DTNBP1: variants seen among roughly 807,000 people sequenced by gnomAD.
DTNBP1 encodes the protein dysbindin.
Under a neutral mutation model 42.8 loss-of-function variants are expected in DTNBP1, and 35 were observed. The observed-to-expected ratio is 0.82, with a 90% CI of 0.63 to 1.09. The LOEUF (loss-of-function observed/expected upper bound fraction) is 1.09. DTNBP1 is among the 50% of genes least tolerant of loss of function. DTNBP1 has a pLI of 0.00. For missense variants in DTNBP1, 457 were observed against 424.2 expected (o/e 1.08, Z -0.68); for synonymous variants, 171 against 162.2 (o/e 1.05, Z -0.41).
chr6:15,645,743 C>CGG (rs1554173343), intron 3 of DTNBP1, among the ~76,000 whole-genome samples: 2 of 151,982 alleles, frequency 1.3e-5, no homozygotes, highest in Non-Finnish European at 2.9e-5. Context: ...AATATCCCTT[C>CGG]ATAACGAAAA....
chr6:15,616,065 A>G (rs2113704761), intron 5 of DTNBP1, among the ~76,000 whole-genome samples: 1 of 152,360 alleles, frequency 6.6e-6, no homozygotes, highest in South Asian at 2.1e-4. Flanking sequence ...CCTTTCACTG[A>G]GAAGATTCAA....
chr6:15,523,498 GGCC>G (rs1772072510), intron 9 of DTNBP1: 2 of 1,281,476 alleles, frequency 1.6e-6, no homozygotes, highest in Admixed American at 6.0e-5. Context: ...GTGTAATAGA[GGCC>G]CAAAGGCAAG....
intron 6 of DTNBP1, among the ~76,000 whole-genome samples, chr6:15,611,361 T>C (rs912225282): frequency 2.6e-5 from 4 of 152,168 alleles, no homozygotes; most frequent in South Asian, 2.1e-4. Flanking sequence ...CCAAATAATA[T>C]TGCTCCTTGA....
intron 5 of DTNBP1, among the ~76,000 whole-genome samples, chr6:15,620,731 G>A (rs1211658508): frequency 6.6e-6 from 1 of 152,156 alleles, no homozygotes; most frequent in African/African-American, 2.4e-5. Context: ...TAAGCTACTT[G>A]GTGCATTCAG....
chr6:15,556,111 G>A (rs1328516901), intron 7 of DTNBP1, among the ~76,000 whole-genome samples: 1 of 151,958 alleles, frequency 6.6e-6, no homozygotes, highest in African/African-American at 2.4e-5. Flanking sequence ...AGGTCTTTGG[G>A]TTAATCCCCG....
chr6:15,558,303 T>C (rs1453934453), intron 7 of DTNBP1, among the ~76,000 whole-genome samples: 3 of 150,886 alleles, frequency 2.0e-5, no homozygotes, highest in Non-Finnish European at 4.4e-5. Flanking sequence ...ACGGAGTCTC[T>C]GTCGCCAGGC....
chr6:15,544,815 G>A (rs899099167), intron 7 of DTNBP1, among the ~76,000 whole-genome samples: 3 of 152,208 alleles, frequency 2.0e-5, no homozygotes, highest in Admixed American at 6.5e-5. Flanking sequence ...TGTACAGACT[G>A]TTTCCTTTTC....
intron 7 of DTNBP1, among the ~76,000 whole-genome samples, chr6:15,592,616 G>A (rs1014222045): frequency 2.0e-5 from 3 of 152,176 alleles, no homozygotes; most frequent in Non-Finnish European, 2.9e-5. Flanking sequence ...TGCCTGAAAA[G>A]GTAAGAGACT....
At chr6:15,644,348 A>G (rs2113787521) in intron 3 of DTNBP1, among the ~76,000 whole-genome samples, 1 of 152,254 alleles carries the variant, frequency 6.6e-6, no homozygotes, top group South Asian at 2.1e-4. Context: ...GGGGGACTTC[A>G]ACACCCCACC....
intron 3 of DTNBP1, among the ~76,000 whole-genome samples, chr6:15,649,744 T>C (rs1004045636): frequency 1.3e-5 from 2 of 152,264 alleles, no homozygotes; most frequent in Admixed American, 1.3e-4. Context: ...GGGAAAAGAC[T>C]GTTTCAGTGC....
intron 6 of DTNBP1, among the ~76,000 whole-genome samples, chr6:15,598,434 T>C (rs1776595929): frequency 6.6e-6 from 1 of 152,204 alleles, no homozygotes; most frequent in Admixed American, 6.5e-5. Flanking sequence ...CCCTAACATT[T>C]TTCTTCATGT....
At chr6:15,542,457 G>A (rs991344833) in intron 7 of DTNBP1, among the ~76,000 whole-genome samples, 2 of 150,882 alleles carry the variant, frequency 1.3e-5, no homozygotes, top group Non-Finnish European at 3.0e-5. Flanking sequence ...CTGCAATCTC[G>A]GCCTCCCTGG....
chr6:15,547,515 G>A (rs113120430), intron 7 of DTNBP1, among the ~76,000 whole-genome samples: 2 of 152,332 alleles, frequency 1.3e-5, no homozygotes, highest in African/African-American at 4.8e-5. Flanking sequence ...AGACGAAGCA[G>A]CTGGTACAAT....
intron 8 of DTNBP1, among the ~76,000 whole-genome samples, chr6:15,531,864 C>T (rs536489443): frequency 6.6e-6 from 1 of 152,344 alleles, no homozygotes; most frequent in South Asian, 2.1e-4. Context: ...CATCTCTTGA[C>T]CTCGTGATCC....
At chr6:15,568,478 T>C (rs1042771957) in intron 7 of DTNBP1, among the ~76,000 whole-genome samples, 2 of 152,204 alleles carry the variant, frequency 1.3e-5, no homozygotes, top group African/African-American at 2.4e-5. Flanking sequence ...ACAAACTTTG[T>C]CATGGAAAAC....
chr6:15,598,086 C>T (rs190339733), intron 6 of DTNBP1, among the ~76,000 whole-genome samples: 38 of 152,212 alleles, frequency 2.5e-4, no homozygotes, highest in Admixed American at 6.5e-4. Flanking sequence ...AAAATAACAG[C>T]AGGATCAAAA....
chr6:15,606,356 A>G (rs1392103210), intron 6 of DTNBP1, among the ~76,000 whole-genome samples: 1 of 152,248 alleles, frequency 6.6e-6, no homozygotes, highest in Non-Finnish European at 1.5e-5. Flanking sequence ...TGGTATAAAC[A>G]TCTGGGACTC....
intron 1 of DTNBP1, among the ~76,000 whole-genome samples, chr6:15,659,456 A>G (rs1212077087): frequency 1.3e-5 from 2 of 152,114 alleles, no homozygotes; most frequent in Non-Finnish European, 2.9e-5. Context: ...TCTGCCACCA[A>G]GTGTTCTACA....
At chr6:15,582,804 A>G (rs1319257503) in intron 7 of DTNBP1, among the ~76,000 whole-genome samples, 1 of 152,214 alleles carries the variant, frequency 6.6e-6, no homozygotes, top group African/African-American at 2.4e-5. Context: ...ATAGCATATT[A>G]TTAAGTATCC....
Sources: gnomAD v4.1 joint callset for allele counts (sites outside exome capture counted in the v4.1 genomes callset) on GRCh38, gnomAD v4.1.1 for gene constraint, MANE v1.5 for transcripts, NCBI Gene and HGNC (gene_info 2026-07-23, HGNC 2026-07-21) for gene names.